The following ATXN3 variants were observed in gnomAD, a reference collection of about 807,000 sequenced individuals.
ATXN3 encodes ataxin 3, also known as ataxin-3.
A neutral mutation model predicts 58.2 loss-of-function variants in ATXN3; 28 were observed. That is an observed-to-expected ratio of 0.48 (90% CI 0.36 to 0.66). The LOEUF (loss-of-function observed/expected upper bound fraction) is 0.66. Among genes scored for constraint, ATXN3 ranks in the 30% least tolerant of loss-of-function variants. The pLI, the probability that ATXN3 is intolerant of heterozygous loss-of-function variation, is 0.00. For missense variants in ATXN3, 321 were observed against 422.1 expected (o/e 0.76, Z 2.10); for synonymous variants, 113 against 138.5 (o/e 0.82, Z 1.29).
intron 6 of ATXN3, 151 bp downstream of exon 6, chr14:92,088,579 T>A (rs2063098502): frequency 6.0e-6 from 4 of 662,052 alleles, no homozygotes; most frequent in Non-Finnish European, 1.1e-5. Context: ...CTGAACAGCG[T>A]CACCCAAATC....
intron 1 of ATXN3, 24 bp from the exon 2 acceptor site, chr14:92,096,862 T>C: frequency 1.2e-6 from 2 of 1,603,702 alleles, no homozygotes; most frequent in Non-Finnish European, 1.7e-6. Flanking sequence ...AAGAAAAAAT[T>C]AAAATGTGAC....
At chr14:92,053,953 C>T (rs1307595663), downstream of ATXN3, among the ~76,000 whole-genome samples, 1 of 151,218 alleles carries the variant, frequency 6.6e-6, no homozygotes, top group Non-Finnish European at 1.5e-5. Flanking sequence ...TTTTTTCCCC[C>T]GAGACGGAGT....
intron 2 of ATXN3, 156 bp from the exon 3 acceptor site, chr14:92,096,293 G>A: frequency 6.6e-7 from 1 of 1,512,902 alleles, no homozygotes; most frequent in Non-Finnish European, 8.8e-7. Flanking sequence ...CCTATAGGAA[G>A]AATGGCCCAT....
In ATXN3 at chr14:92,083,375, A is replaced by C. The variant is rs913211750; in HGVS notation, c.476-117T>G. The C allele has an allele frequency of 3.9e-6, 4 of 1,014,314 alleles. No individual in the cohort carries two copies. The African/African-American group carries it at 6.6e-5, about 17-fold the overall frequency. The allele number at this position is 1,014,314 out of a possible 1,614,324, so 62.8% of individuals were successfully genotyped here. On this transcript the variant is annotated intron_variant, in intron 6 of 10. Coordinates refer to ENST00000644486, the MANE Select transcript of ATXN3 (RefSeq NM_004993.6). ...CACTGGAAAAAAATACAAGCTGAGGATTCAGAAAGACTTTAGTCCAAATAA... is the reference window on the plus strand; with the variant it reads ...CACTGGAAAAAAATACAAGCTGAGGCTTCAGAAAGACTTTAGTCCAAATAA...
intron 10 of ATXN3, among the ~76,000 whole-genome samples, chr14:92,068,548 T>TA (rs1188730143): frequency 4.6e-5 from 7 of 152,040 alleles, no homozygotes; most frequent in African/African-American, 1.7e-4. Flanking sequence ...CCAAGGTCCC[T>TA]AGCCAGTCTG....
chr14:92,095,712 C>T (rs547311096), intron 3 of ATXN3, among the ~76,000 whole-genome samples: 1 of 151,800 alleles, frequency 6.6e-6, no homozygotes, highest in South Asian at 2.1e-4. Context: ...AATCCCAGCA[C>T]TTTGGGAGGC....
Position 92,064,192 on chromosome 14 carries a change from T to G in ATXN3, c.*128A>C. On this transcript the variant is annotated 3_prime_UTR_variant, in exon 11 of 11. Coordinates refer to ENST00000644486, the MANE Select transcript of ATXN3 (RefSeq NM_004993.6). ...GACGCATTGTTCCACTTTCCCATCA[T>G]TTTGTTTGCAAACCGCTAAAAGTCT... The G allele has an allele frequency of 1.7e-6, 1 of 580,820 alleles. No homozygotes were observed. Among genetic ancestry groups the G allele is most frequent in the Non-Finnish European group, 3.0e-6 (1 of 338,188 alleles). 36.0% of individuals were successfully genotyped at this position (580,820 alleles called of 1,614,324 possible). A position where few individuals can be genotyped will look rare whatever the true frequency, so the allele number is the denominator to read the frequency against.
chr14:92,057,082 TG>T (rs1264586355), downstream of ATXN3, among the ~76,000 whole-genome samples: 2 of 152,126 alleles, frequency 1.3e-5, 1 homozygote, highest in Non-Finnish European at 2.9e-5. Flanking sequence ...TTACCCTAAA[TG>T]GTCTAAAAAG....
At position 92,082,325 on chromosome 14, in the gene ATXN3, G is replaced by A. The variant is rs1404360682; in HGVS notation, c.750C>T (p.Arg250=). Residue 250 remains arginine (R), a synonymous_variant, in exon 8 of 11, where the codon CGC becomes CGT. Transcript: ENST00000644486. ...CTTGCATACTTAGCTGAATAGCCCT[G>A]CGGAGATCTGCTTCCTCATCTTCCA... ...IDMEDEEADL[R]RAIQLSMQGS... The A allele has an allele frequency of 6.2e-7, 1 of 1,614,008 alleles. No homozygotes were observed. Among genetic ancestry groups the A allele is most frequent in the Non-Finnish European group, 8.5e-7 (1 of 1,180,034 alleles).
intron 2 of ATXN3, 199 bp from the exon 3 acceptor site, chr14:92,096,336 A>G: frequency 6.9e-7 from 1 of 1,446,540 alleles, no homozygotes; most frequent in South Asian, 1.4e-5. Context: ...TTTTTAAAAG[A>G]AATGTAAGCC....
intron 4 of ATXN3, 90 bp downstream of exon 4, chr14:92,093,656 T>C: frequency 9.5e-7 from 1 of 1,049,764 alleles, no homozygotes; most frequent in Middle Eastern, 2.8e-4. Flanking sequence ...AACAAAAGTA[T>C]TCAAAATGTA....
At chr14:92,082,610 G>T in intron 7 of ATXN3, 144 bp from the exon 8 acceptor site, 16 of 662,572 alleles carry the variant, frequency 2.4e-5, no homozygotes, top group South Asian at 1.1e-4. Flanking sequence ...TAATGATTGT[G>T]TTGCAATTTG....
chr14:92,102,274 AGGAG>A (rs548488269), intron 1 of ATXN3, among the ~76,000 whole-genome samples: 2 of 151,494 alleles, frequency 1.3e-5, no homozygotes, highest in East Asian at 3.9e-4. Flanking sequence ...AAAGGAAGAA[AGGAG>A]GGAGGGAGGG....
chr14:92,096,349 G>A, intron 2 of ATXN3: 1 of 1,418,612 alleles, frequency 7.0e-7, no homozygotes, highest in Non-Finnish European at 9.3e-7. Context: ...TGTAAGCCGG[G>A]TGTGGTGGCT....
intron 6 of ATXN3, among the ~76,000 whole-genome samples, chr14:92,088,203 G>A (rs1233145782): frequency 6.6e-6 from 1 of 151,974 alleles, no homozygotes; most frequent in African/African-American, 2.4e-5. Context: ...CGAGTAGCTC[G>A]GACTACAGGC....
At chr14:92,076,974 T>C (rs984744864) in intron 9 of ATXN3, among the ~76,000 whole-genome samples, 8 of 127,292 alleles carry the variant, frequency 6.3e-5, no homozygotes, top group Non-Finnish European at 1.2e-4. Context: ...GAAATAAACA[T>C]GGTGAAAGTA....
At chr14:92,083,290 A>T (rs1440237383) in intron 6 of ATXN3, 32 bp from the exon 7 acceptor site, 1 of 1,571,336 alleles carries the variant, frequency 6.4e-7, no homozygotes, top group Non-Finnish European at 8.6e-7. Context: ...CAACCTAACC[A>T]GTTAGTAAAG....
intron 5 of ATXN3, among the ~76,000 whole-genome samples, chr14:92,089,944 A>G (rs969097194): frequency 6.6e-6 from 1 of 152,124 alleles, no homozygotes; most frequent in Non-Finnish European, 1.5e-5. Flanking sequence ...AAATCACTAA[A>G]TTAGCTGGGC....
At chr14:92,100,117 C>A (rs2066433551) in intron 1 of ATXN3, among the ~76,000 whole-genome samples, 1 of 152,002 alleles carries the variant, frequency 6.6e-6, no homozygotes, top group South Asian at 2.1e-4. Context: ...TCTAAAATGG[C>A]TAAAATGTTG....
Sources: gnomAD v4.1 joint callset for allele counts (sites outside exome capture counted in the v4.1 genomes callset) on GRCh38, gnomAD v4.1.1 for gene constraint, MANE v1.5 for transcripts, NCBI Gene and HGNC (gene_info 2026-07-23, HGNC 2026-07-21) for gene names.